Variants in FGF12 observed in about 807,000 individuals in gnomAD.
FGF12 encodes fibroblast growth factor 12B.
A neutral mutation model predicts 23.6 loss-of-function variants in FGF12; 14 were observed. The ratio of observed to expected loss-of-function variants is 0.59; its 90% CI spans 0.39 to 0.93. FGF12 has a LOEUF of 0.93. FGF12 is among the 40% of genes least tolerant of loss of function. The pLI is 0.00. For missense variants in FGF12, 175 were observed against 217.8 expected, an observed-to-expected ratio of 0.80 and a Z score of 1.24; for synonymous variants, 62 against 77.3, an observed-to-expected ratio of 0.80 and a Z score of 1.04.
intron 2 of FGF12, among the ~76,000 whole-genome samples, chr3:192,684,331 C>T (rs1374396438): frequency 1.3e-5 from 2 of 152,174 alleles, no homozygotes; most frequent in Admixed American, 1.3e-4. Flanking sequence ...TGTTAGTGAG[C>T]AGTGAGTAAT....
chr3:192,193,051 T>G (rs1297631272), intron 4 of FGF12, among the ~76,000 whole-genome samples: 1 of 152,156 alleles, frequency 6.6e-6, no homozygotes, highest in Non-Finnish European at 1.5e-5. Flanking sequence ...CAAGATTCGA[T>G]CCAGGTAGAA....
chr3:192,358,764 T>C (rs113742316), intron 3 of FGF12, among the ~76,000 whole-genome samples: 20 of 152,344 alleles, frequency 1.3e-4, no homozygotes, highest in African/African-American at 4.6e-4. Flanking sequence ...ATTTTGTAGA[T>C]TGAATATGGC....
chr3:192,397,007 A>C (rs139773093), intron 2 of FGF12, among the ~76,000 whole-genome samples: 1 of 152,324 alleles, frequency 6.6e-6, no homozygotes, highest in African/African-American at 2.4e-5. Context: ...GCAAAATTAT[A>C]ATGAATGGAA....
chr3:192,714,110 A>G (rs376003829), intron 2 of FGF12, among the ~76,000 whole-genome samples: 3 of 152,164 alleles, frequency 2.0e-5, no homozygotes, highest in Non-Finnish European at 2.9e-5. Flanking sequence ...AAATACTTAC[A>G]CTATCTTATT....
chr3:192,331,723 G>T (rs541743999), intron 4 of FGF12, among the ~76,000 whole-genome samples: 37 of 152,074 alleles, frequency 2.4e-4, no homozygotes, highest in Non-Finnish European at 4.0e-4. Flanking sequence ...TTGTTCAATG[G>T]GTATACAGAA....
chr3:192,233,139 A>T (rs1719111936), intron 4 of FGF12, among the ~76,000 whole-genome samples: 1 of 152,202 alleles, frequency 6.6e-6, no homozygotes. Context: ...GCTGCTTCCC[A>T]CAATGGGTGA....
chr3:192,175,747 T>C (rs922474097), intron 4 of FGF12, among the ~76,000 whole-genome samples: 2 of 152,184 alleles, frequency 1.3e-5, no homozygotes, highest in Admixed American at 6.5e-5. Context: ...GCTGGAATCC[T>C]ACGTAAGCCC....
At chr3:192,340,353 C>A (rs1216041765) in intron 3 of FGF12, among the ~76,000 whole-genome samples, 1 of 151,986 alleles carries the variant, frequency 6.6e-6, no homozygotes, top group African/African-American at 2.4e-5. Context: ...AAACTCACAT[C>A]AAAACTACAC....
intron 2 of FGF12, among the ~76,000 whole-genome samples, chr3:192,455,454 C>G (rs973626935): frequency 3.3e-5 from 5 of 152,112 alleles, no homozygotes; most frequent in African/African-American, 1.2e-4. Context: ...ACATGGTGTA[C>G]CTACAGCAGA....
intron 4 of FGF12, among the ~76,000 whole-genome samples, chr3:192,190,356 C>T (rs2108646332): frequency 6.6e-6 from 1 of 151,966 alleles, no homozygotes; most frequent in Non-Finnish European, 1.5e-5. Context: ...TTTAAAGCAT[C>T]CACATTTTAG....
At chr3:192,244,775 CAT>C (rs906302409) in intron 4 of FGF12, 7 of 152,176 alleles carry the variant, frequency 4.6e-5, no homozygotes, top group African/African-American at 1.4e-4. Flanking sequence ...TACTATCCCA[CAT>C]GAGTCATATT....
intron 2 of FGF12, among the ~76,000 whole-genome samples, chr3:192,535,864 G>C (rs1449940485): frequency 6.6e-6 from 1 of 152,084 alleles, no homozygotes; most frequent in Non-Finnish European, 1.5e-5. Flanking sequence ...AAGTGTTCTA[G>C]AGCTCATTCA....
intron 4 of FGF12, among the ~76,000 whole-genome samples, chr3:192,213,846 C>T (rs892892851): frequency 2.0e-5 from 3 of 152,176 alleles, no homozygotes; most frequent in Admixed American, 1.3e-4. Context: ...CTTCGTGGCC[C>T]ATTTATTCCA....
At chr3:192,366,349 A>G (rs1401340749) in intron 2 of FGF12, among the ~76,000 whole-genome samples, 1 of 152,210 alleles carries the variant, frequency 6.6e-6, no homozygotes, top group Non-Finnish European at 1.5e-5. Flanking sequence ...AACTTTAGAG[A>G]AAGGTTCTGC....
chr3:192,383,508 G>T (rs1719913904), intron 2 of FGF12, among the ~76,000 whole-genome samples: 1 of 144,094 alleles, frequency 6.9e-6, no homozygotes, highest in Non-Finnish European at 1.5e-5. Context: ...ATGGTTCCAA[G>T]GATTCTGATT....
chr3:192,721,552 T>C (rs943016925), intron 2 of FGF12, among the ~76,000 whole-genome samples: 1 of 152,072 alleles, frequency 6.6e-6, no homozygotes, highest in Non-Finnish European at 1.5e-5. Flanking sequence ...AACCCAATAT[T>C]AAGAGATGCA....
At chr3:192,608,870 G>A (rs76695174) in intron 2 of FGF12, among the ~76,000 whole-genome samples, 6 of 152,014 alleles carry the variant, frequency 3.9e-5, no homozygotes, top group Non-Finnish European at 8.8e-5. Flanking sequence ...TACCAGCTCC[G>A]AAATATTTAA....
At chr3:192,712,061 A>G (rs1363736065) in intron 2 of FGF12, among the ~76,000 whole-genome samples, 1 of 151,926 alleles carries the variant, frequency 6.6e-6, no homozygotes, top group Admixed American at 6.6e-5. Context: ...AAACAGACAA[A>G]TAAGCCTCTT....
intron 4 of FGF12, among the ~76,000 whole-genome samples, chr3:192,325,281 ACCC>A (rs372410185): frequency 6.6e-6 from 1 of 152,034 alleles, no homozygotes; most frequent in Non-Finnish European, 1.5e-5. Context: ...CAAGTGCTAT[ACCC>A]CCCAATTTTT....
Sources: allele counts gnomAD v4.1 joint callset (sites outside exome capture counted in the v4.1 genomes callset), GRCh38; gene constraint gnomAD v4.1.1; transcripts MANE v1.5; gene names NCBI Gene and HGNC (gene_info 2026-07-23, HGNC 2026-07-21).